EPHA7: variants seen among roughly 807,000 people sequenced by gnomAD.
The protein encoded by EPHA7 is EPH receptor A7.
Under a neutral mutation model 112.6 loss-of-function variants are expected in EPHA7, and 25 were observed. The ratio of observed to expected loss-of-function variants is 0.22; its 90% CI spans 0.16 to 0.31. The LOEUF is 0.31. Among genes scored for constraint, EPHA7 ranks in the 10% least tolerant of loss-of-function variants. The pLI is 1.00. For missense variants in EPHA7, 962 were observed against 1,212.6 expected (o/e 0.79, Z 3.07); for synonymous variants, 437 against 406.5 (o/e 1.07, Z -0.90).
intron 5 of EPHA7, among the ~76,000 whole-genome samples, chr6:93,280,947 A>C (rs2127896848): frequency 6.6e-6 from 1 of 152,250 alleles, no homozygotes; most frequent in African/African-American, 2.4e-5. Flanking sequence ...TCCATAGATA[A>C]AGCTGACGGA....
chr6:93,289,897 T>G (rs1772271588), intron 5 of EPHA7, among the ~76,000 whole-genome samples: 2 of 152,176 alleles, frequency 1.3e-5, no homozygotes, highest in Admixed American at 1.3e-4. Flanking sequence ...ATGAAGGATT[T>G]TAGTTTATAT....
Position 93,259,597 on chromosome 6 carries a change from T to A in EPHA7, c.1799-118A>T, listed in dbSNP as rs1379855864. On this transcript the variant is annotated intron_variant, in intron 9 of 16. Coordinates refer to ENST00000369303, the MANE Select transcript of EPHA7 (RefSeq NM_004440.4). ...ACAGTGAACTTGCTTCCACATCACCTGATTCACAGCAGTTTTAACAGACTA... is the reference window on the plus strand; with the variant it reads ...ACAGTGAACTTGCTTCCACATCACCAGATTCACAGCAGTTTTAACAGACTA... The A allele has an allele frequency of 2.5e-6, 3 of 1,207,474 alleles. No homozygotes were observed. In the African/African-American group the frequency reaches 4.6e-5, roughly 18 times the overall value. The allele number at this position is 1,207,474 out of a possible 1,614,324, so 74.8% of individuals were successfully genotyped here.
chr6:93,270,091 G>A (rs1771139004), intron 6 of EPHA7, among the ~76,000 whole-genome samples: 1 of 151,480 alleles, frequency 6.6e-6, no homozygotes, highest in African/African-American at 2.4e-5. Flanking sequence ...AATCCAGAAA[G>A]TTATTAAATC....
chr6:93,323,636 T>C (rs185310110), intron 5 of EPHA7, among the ~76,000 whole-genome samples: 1 of 151,438 alleles, frequency 6.6e-6, no homozygotes, highest in South Asian at 2.1e-4. Flanking sequence ...TTTTTAAAAT[T>C]AAAAATTCCA....
chr6:93,405,910 A>T (rs1778699364), intron 3 of EPHA7, among the ~76,000 whole-genome samples: 1 of 147,584 alleles, frequency 6.8e-6, no homozygotes, highest in African/African-American at 2.5e-5. Flanking sequence ...GGTACAAATT[A>T]CATGCTACTT....
intron 5 of EPHA7, among the ~76,000 whole-genome samples, chr6:93,306,374 T>A (rs1386429559): frequency 6.6e-6 from 1 of 151,998 alleles, no homozygotes; most frequent in African/African-American, 2.4e-5. Context: ...TTGCACAAAG[T>A]ACTAAAAAGT....
At chr6:93,331,287 C>T (rs1356213674) in intron 5 of EPHA7, among the ~76,000 whole-genome samples, 1 of 151,330 alleles carries the variant, frequency 6.6e-6, no homozygotes, top group African/African-American at 2.4e-5. Flanking sequence ...TATAGTCACA[C>T]CACTATAATA....
chr6:93,272,144 T>G (rs1028660035), intron 6 of EPHA7, among the ~76,000 whole-genome samples, 154 bp downstream of exon 6: 1 of 151,876 alleles, frequency 6.6e-6, no homozygotes, highest in Non-Finnish European at 1.5e-5. Flanking sequence ...AAGCCAGAGA[T>G]TCACAGAGAT....
chr6:93,246,896 T>C lies in EPHA7; in HGVS notation c.2622A>G (p.Gln874=). The C allele has an allele frequency of 6.2e-7, 1 of 1,613,984 alleles. No individual in the cohort carries two copies. Among genetic ancestry groups the C allele is most frequent in the Non-Finnish European group, 8.5e-7 (1 of 1,179,874 alleles). ...ATTTTGGCCTTTCAGCACGCTCCTT[T>C]TGCCAACAATCCAACATTAGCTGGT... is the stretch of plus-strand genomic sequence containing the variant. ...GLHQLMLDCW[Q]KERAERPKFE... The change falls in exon 15 of 17, where the codon CAA becomes CAG. Residue 874 remains glutamine, a synonymous_variant. Transcript: ENST00000369303.
chr6:93,284,340 T>C (rs928226870), intron 5 of EPHA7, among the ~76,000 whole-genome samples: 7 of 151,878 alleles, frequency 4.6e-5, no homozygotes, highest in African/African-American at 1.7e-4. Flanking sequence ...TTCAAAATCA[T>C]CATTCTGGTG....
At position 93,291,070 on chromosome 6, in the gene EPHA7, A is replaced by C. The variant is rs115816428; in HGVS notation, c.1325-18648T>G. Reference sequence around the variant, plus strand: ...TCCGAATTTTTCTTTAAAATGAGTAAATTTTATATTTTGATAGTAATAAAA... The same window carrying C: ...TCCGAATTTTTCTTTAAAATGAGTACATTTTATATTTTGATAGTAATAAAA... On this transcript the variant is annotated intron_variant, in intron 5 of 16. Transcript: ENST00000369303. Among the ~76,000 whole-genome samples, 654 of 152,318 alleles carry C rather than the reference A, an allele frequency of 4.3e-3. 4 individuals carry two copies. The highest frequency in any genetic ancestry group is 0.015 in the African/African-American group (632 of 41,582).
chr6:93,381,967 G>A (rs1777356835), intron 3 of EPHA7, among the ~76,000 whole-genome samples: 1 of 151,838 alleles, frequency 6.6e-6, no homozygotes, highest in African/African-American at 2.4e-5. Flanking sequence ...TAATCATTTC[G>A]CCAAATGTGT....
intron 3 of EPHA7, among the ~76,000 whole-genome samples, chr6:93,381,434 T>A (rs1012181970): frequency 2.0e-5 from 3 of 152,184 alleles, no homozygotes; most frequent in African/African-American, 7.2e-5. Flanking sequence ...AACTAAAGGT[T>A]TATATTTTAG....
At chr6:93,338,760 A>C (rs989078040) in intron 5 of EPHA7, among the ~76,000 whole-genome samples, 39 of 151,762 alleles carry the variant, frequency 2.6e-4, no homozygotes, top group African/African-American at 9.2e-4. Context: ...CTTTAAAATA[A>C]TTGTCTTCCA....
chr6:93,255,240 C>T (rs1032480120), intron 13 of EPHA7, among the ~76,000 whole-genome samples: 1 of 151,842 alleles, frequency 6.6e-6, no homozygotes, highest in Non-Finnish European at 1.5e-5. Context: ...CCTAGCTACT[C>T]GGAAGGCTGA....
chr6:93,411,470 A>G (rs1251998092), intron 2 of EPHA7, among the ~76,000 whole-genome samples: 2 of 152,106 alleles, frequency 1.3e-5, no homozygotes, highest in Non-Finnish European at 2.9e-5. Context: ...CTCCATTGAG[A>G]TTATAATTTT....
At chr6:93,303,089 C>T (rs1007042073) in intron 5 of EPHA7, among the ~76,000 whole-genome samples, 1 of 152,146 alleles carries the variant, frequency 6.6e-6, no homozygotes, top group African/African-American at 2.4e-5. Context: ...TTGCCTCACA[C>T]TGAGCACATG....
intron 3 of EPHA7, among the ~76,000 whole-genome samples, chr6:93,380,566 T>C (rs1357657576): frequency 6.6e-6 from 1 of 152,010 alleles, no homozygotes; most frequent in South Asian, 2.1e-4. Flanking sequence ...TTCAGGAAAG[T>C]GATAGTCTGA....
At chr6:93,339,607 A>G (rs1422268806) in intron 5 of EPHA7, among the ~76,000 whole-genome samples, 1 of 151,792 alleles carries the variant, frequency 6.6e-6, no homozygotes, top group Non-Finnish European at 1.5e-5. Flanking sequence ...AAACATTTTG[A>G]TTCTAAATTC....
Sources: allele counts gnomAD v4.1 joint callset (sites outside exome capture counted in the v4.1 genomes callset), GRCh38; gene constraint gnomAD v4.1.1; transcripts MANE v1.5; gene names NCBI Gene and HGNC (gene_info 2026-07-23, HGNC 2026-07-21).